Variants in NUP37 observed in about 807,000 individuals in gnomAD.
NUP37 encodes the protein nucleoporin Nup37.
Under a neutral mutation model 45.4 loss-of-function variants are expected in NUP37, and 33 were observed. The ratio of observed to expected loss-of-function variants is 0.73; its 90% CI spans 0.55 to 0.97. The LOEUF (loss-of-function observed/expected upper bound fraction) is 0.97. Among genes scored for constraint, NUP37 ranks in the 50% least tolerant of loss-of-function variants. The pLI is 0.00. For synonymous variants in NUP37, 127 were observed against 130.7 expected (o/e 0.97, Z 0.19); for missense variants, 365 against 389.7 (o/e 0.94, Z 0.53).
intron 5 of NUP37, among the ~76,000 whole-genome samples, chr12:102,095,048 A>C (rs1052723932): frequency 1.1e-4 from 17 of 152,018 alleles, no homozygotes; most frequent in African/African-American, 4.1e-4. Flanking sequence ...AAAGTACTGA[A>C]TATTGGGTAT....
At chr12:102,093,015 G>T (rs1190065172) in intron 5 of NUP37, among the ~76,000 whole-genome samples, 1 of 152,074 alleles carries the variant, frequency 6.6e-6, no homozygotes, top group Non-Finnish European at 1.5e-5. Context: ...AATGATAAAA[G>T]ATTATTATTA....
At chr12:102,089,013 C>T (rs1456564900) in intron 5 of NUP37, among the ~76,000 whole-genome samples, 4 of 152,112 alleles carry the variant, frequency 2.6e-5, no homozygotes, top group Non-Finnish European at 5.9e-5. Context: ...TTTCAGAGAG[C>T]ACGGGGTTGG....
At chr12:102,081,588 A>G (rs774405496) in intron 6 of NUP37, among the ~76,000 whole-genome samples, 2 of 152,374 alleles carry the variant, frequency 1.3e-5, no homozygotes, top group African/African-American at 2.4e-5. Context: ...ACAAAATACA[A>G]TACTACTACT....
intron 5 of NUP37, among the ~76,000 whole-genome samples, chr12:102,093,614 C>G (rs546361580): frequency 6.6e-6 from 1 of 151,944 alleles, no homozygotes; most frequent in African/African-American, 2.4e-5. Flanking sequence ...ACAAAAGCAA[C>G]AGTAACACTA....
intron 2 of NUP37, among the ~76,000 whole-genome samples, chr12:102,112,865 A>C (rs1258634620): frequency 1.3e-5 from 2 of 152,232 alleles, no homozygotes; most frequent in Non-Finnish European, 2.9e-5. Flanking sequence ...AAGATGCTAC[A>C]AATAATTCAT....
intron 3 of NUP37, among the ~76,000 whole-genome samples, chr12:102,103,915 T>C (rs999876014): frequency 4.6e-5 from 7 of 152,316 alleles, no homozygotes; most frequent in Admixed American, 3.9e-4. Flanking sequence ...TCATTCTTAA[T>C]GGTGAGAAGA....
intron 3 of NUP37, among the ~76,000 whole-genome samples, chr12:102,109,954 T>C (rs1880263474): frequency 6.6e-6 from 1 of 152,194 alleles, no homozygotes; most frequent in African/African-American, 2.4e-5. Flanking sequence ...TTTCTTTTAA[T>C]ATAAAAGGAA....
chr12:102,074,149 A>T lies in NUP37; in HGVS notation c.*205T>A, dbSNP rs1879102298. 8 of 298,190 alleles carry T rather than the reference A, an allele frequency of 2.7e-5. No homozygotes were observed. Among genetic ancestry groups the T allele is most frequent in the Non-Finnish European group, 4.8e-5 (8 of 165,456 alleles). 18.5% of individuals were successfully genotyped at this position (298,190 alleles called of 1,614,324 possible). ...GTCAATATGATTTTGTAAGATTAAAAATATATATATATACACACACAGAGA... is the reference window on the plus strand; with the variant it reads ...GTCAATATGATTTTGTAAGATTAAATATATATATATATACACACACAGAGA... On this transcript the variant is annotated 3_prime_UTR_variant, in exon 10 of 10. Coordinates refer to ENST00000552283, the MANE Select transcript of NUP37 (RefSeq NM_024057.4).
At chr12:102,112,424 ACT>A (rs1443130596) in intron 2 of NUP37, among the ~76,000 whole-genome samples, 192 bp from the exon 3 acceptor site, 1 of 152,118 alleles carries the variant, frequency 6.6e-6, no homozygotes, top group South Asian at 2.1e-4. Flanking sequence ...TCACAAAATA[ACT>A]CTCTAAGGCA....
At chr12:102,075,537 AAT>A (rs1273470609) in intron 8 of NUP37, among the ~76,000 whole-genome samples, 2 of 152,140 alleles carry the variant, frequency 1.3e-5, no homozygotes, top group Non-Finnish European at 2.9e-5. Context: ...TAAATTTGTT[AAT>A]ATGTCTTTAC....
intron 3 of NUP37, 46 bp from the exon 4 acceptor site, chr12:102,101,150 G>T (rs779396864): frequency 1.8e-6 from 2 of 1,088,698 alleles, no homozygotes; most frequent in African/African-American, 1.6e-5. Context: ...GCCTTTGTAA[G>T]TGAAAGGTCT....
chr12:102,112,444 A>T (rs1880344067), intron 2 of NUP37, among the ~76,000 whole-genome samples: 1 of 152,232 alleles, frequency 6.6e-6, no homozygotes, highest in Admixed American at 6.5e-5. Flanking sequence ...GCAACTAGAA[A>T]CAAATGGTAA....
At chr12:102,083,934 T>C (rs926561852) in intron 6 of NUP37, among the ~76,000 whole-genome samples, 1 of 152,098 alleles carries the variant, frequency 6.6e-6, no homozygotes, top group African/African-American at 2.4e-5. Context: ...GAGATTATGG[T>C]GTTAGACCAA....
intron 6 of NUP37, among the ~76,000 whole-genome samples, chr12:102,079,487 C>T (rs1273537684): frequency 7.9e-5 from 12 of 152,114 alleles, no homozygotes; most frequent in Non-Finnish European, 2.9e-5. Flanking sequence ...CAGTTAGGTT[C>T]CCTGCCAGCC....
chr12:102,076,909 G>T, intron 7 of NUP37, 62 bp from the exon 8 acceptor site: 1 of 1,167,328 alleles, frequency 8.6e-7, no homozygotes, highest in Non-Finnish European at 1.3e-6. Flanking sequence ...TGAACTTAAG[G>T]TTTAAACAGT....
intron 5 of NUP37, among the ~76,000 whole-genome samples, chr12:102,097,519 T>C (rs1879839461): frequency 6.6e-6 from 1 of 152,142 alleles, no homozygotes; most frequent in African/African-American, 2.4e-5. Context: ...CCTAAATTTT[T>C]AGAGAATTTT....
chr12:102,113,219 A>G (rs1880366538), intron 2 of NUP37, among the ~76,000 whole-genome samples: 1 of 152,224 alleles, frequency 6.6e-6, no homozygotes, highest in South Asian at 2.1e-4. Context: ...TTTGCAAGAG[A>G]GAAGAGACAA....
intron 3 of NUP37, among the ~76,000 whole-genome samples, chr12:102,107,116 G>A (rs967001385): frequency 3.9e-5 from 6 of 152,154 alleles, no homozygotes; most frequent in African/African-American, 1.4e-4. Flanking sequence ...CTCAGCTGCA[G>A]CACCTGAATA....
At chr12:102,088,704 T>A (rs7956473) in intron 5 of NUP37, among the ~76,000 whole-genome samples, 3 of 136,936 alleles carry the variant, frequency 2.2e-5, no homozygotes, top group Non-Finnish European at 4.7e-5. Flanking sequence ...TTTGTTTTAA[T>A]TTTTTTTTTT....
Sources: allele counts gnomAD v4.1 joint callset (sites outside exome capture counted in the v4.1 genomes callset), GRCh38; gene constraint gnomAD v4.1.1; transcripts MANE v1.5; gene names NCBI Gene and HGNC (gene_info 2026-07-23, HGNC 2026-07-21).